Variants in TP63 observed in about 807,000 individuals in gnomAD.
TP63 encodes the protein tumor protein p63.
TP63 carries 17 observed loss-of-function variants against 82.8 expected under a neutral mutation model. The ratio of observed to expected loss-of-function variants is 0.21; its 90% CI spans 0.14 to 0.31. The LOEUF (loss-of-function observed/expected upper bound fraction) is 0.31. Among genes scored for constraint, TP63 ranks in the 10% least tolerant of loss-of-function variants. The pLI is 1.00. For synonymous variants in TP63, 330 were observed against 321.7 expected, an observed-to-expected ratio of 1.03 and a Z score of -0.28; for missense variants, 648 against 895.3, an observed-to-expected ratio of 0.72 and a Z score of 3.52.
intron 10 of TP63, among the ~76,000 whole-genome samples, chr3:189,875,609 T>TATATAC (rs1553859652): frequency 1.4e-4 from 9 of 62,994 alleles, no homozygotes; most frequent in African/African-American, 3.8e-4. Context: ...TATATATATA[T>TATATAC]ATATATATAT....
chr3:189,818,555 G>T lies in TP63; in HGVS notation c.579+10029G>T, dbSNP rs576368634. ...CATTTCATGGGGAATAATTTGAGAA[G>T]CCTATGTTTCTCAAAATTTTCGTAG... is the stretch of plus-strand genomic sequence containing the variant. On this transcript the variant is annotated intron_variant, in intron 4 of 13. Transcript: ENST00000264731. 5.9e-5 allele frequency among the ~76,000 whole-genome samples: 9 copies of T among 152,060 alleles called. No individual in the cohort carries two copies. In the South Asian group the frequency reaches 1.9e-3, roughly 32 times the overall value.
chr3:189,704,517 G>T (rs1449879259), intron 1 of TP63, among the ~76,000 whole-genome samples: 2 of 152,122 alleles, frequency 1.3e-5, no homozygotes, highest in Non-Finnish European at 2.9e-5. Context: ...TGCTTTCATT[G>T]TACCCTCTGT....
chr3:189,778,188 C>T (rs1723966946), intron 3 of TP63, among the ~76,000 whole-genome samples: 1 of 152,044 alleles, frequency 6.6e-6, no homozygotes, highest in Non-Finnish European at 1.5e-5. Flanking sequence ...TTCTTTAGGT[C>T]TTATTGCAGG....
At chr3:189,775,024 G>T (rs963500526) in intron 3 of TP63, among the ~76,000 whole-genome samples, 1 of 152,024 alleles carries the variant, frequency 6.6e-6, no homozygotes. Flanking sequence ...GAGACCAGCA[G>T]CCTGGCCAAC....
At chr3:189,675,590 A>T (rs1006306605) in intron 1 of TP63, among the ~76,000 whole-genome samples, 10 of 152,004 alleles carry the variant, frequency 6.6e-5, no homozygotes, top group African/African-American at 2.4e-4. Context: ...CAACCCATAG[A>T]TTTTTTCGCT....
chr3:189,889,158 G>C (rs891177918), intron 11 of TP63, among the ~76,000 whole-genome samples, 182 bp from the exon 12 acceptor site: 21 of 152,214 alleles, frequency 1.4e-4, no homozygotes, highest in African/African-American at 4.1e-4. Flanking sequence ...AATTAGTTTG[G>C]AGTCTGACCG....
At chr3:189,885,834 A>G (rs1244881914) in intron 10 of TP63, among the ~76,000 whole-genome samples, 1 of 152,208 alleles carries the variant, frequency 6.6e-6, no homozygotes, top group African/African-American at 2.4e-5. Context: ...GAACATCTCT[A>G]TTGAAAATGC....
chr3:189,691,338 C>CAAAAAAAAAAAAAAAAAAA (rs781098833), intron 1 of TP63, among the ~76,000 whole-genome samples: 26 of 67,094 alleles, frequency 3.9e-4, no homozygotes, highest in South Asian at 6.3e-4. Context: ...GACTCCATCT[C>CAAAAAAAAAAAAAAAAAAA]AAAAAAAAAA....
At chr3:189,854,679 T>C (rs1307182961) in intron 4 of TP63, among the ~76,000 whole-genome samples, 1 of 152,196 alleles carries the variant, frequency 6.6e-6, no homozygotes, top group East Asian at 1.9e-4. Context: ...CAAAATGAAA[T>C]GAAAGCTGCA....
Position 189,866,039 on chromosome 3 carries a change from ATCT to A in TP63, c.767-638_767-636del, listed in dbSNP as rs144152566. Among the ~76,000 whole-genome samples, 642 of 152,300 alleles carry A rather than the reference ATCT, an allele frequency of 4.2e-3. 2 individuals are homozygous for A. The highest frequency in any genetic ancestry group is 0.015 in the African/African-American group (620 of 41,566). Reference sequence around the variant, plus strand: ...CTTTACGGGTCCCAGTTCTTGGAGCATCTTCTTTTTTTTGGAGCTCTGCTAAAT... The same window carrying A: ...CTTTACGGGTCCCAGTTCTTGGAGCATCTTTTTTTTGGAGCTCTGCTAAAT... On this transcript the variant is annotated intron_variant, in intron 5 of 13. Transcript: ENST00000264731.
chr3:189,834,948 A>G (rs573519933), intron 4 of TP63, among the ~76,000 whole-genome samples: 5 of 150,120 alleles, frequency 3.3e-5, no homozygotes, highest in African/African-American at 1.2e-4. Flanking sequence ...GCTTGAAGAC[A>G]GAGAACTGGG....
intron 1 of TP63, among the ~76,000 whole-genome samples, chr3:189,705,055 A>G (rs1018332848): frequency 3.3e-5 from 5 of 152,236 alleles, no homozygotes; most frequent in African/African-American, 9.6e-5. Context: ...ATTTTCTTCA[A>G]TATTTTTTAC....
chr3:189,732,665 G>T (rs1193047669), intron 1 of TP63, among the ~76,000 whole-genome samples: 1 of 152,154 alleles, frequency 6.6e-6, no homozygotes, highest in Non-Finnish European at 1.5e-5. Flanking sequence ...AGGTTCAAAG[G>T]CATTGAGTAA....
At chr3:189,614,278 T>A in the TP63 span, among the ~76,000 whole-genome samples, 1 of 152,198 alleles carries the variant, frequency 6.6e-6, no homozygotes, top group African/African-American at 2.4e-5. Flanking sequence ...TCACGAGATC[T>A]GATGGATTTG....
intron 1 of TP63, among the ~76,000 whole-genome samples, chr3:189,703,816 A>C (rs1220837965): frequency 6.6e-6 from 1 of 152,172 alleles, no homozygotes; most frequent in Non-Finnish European, 1.5e-5. Flanking sequence ...TCAGAGTTAT[A>C]CAGTGAGTTG....
intron 1 of TP63, among the ~76,000 whole-genome samples, chr3:189,645,905 G>A (rs1359734369): frequency 6.8e-6 from 1 of 147,206 alleles, no homozygotes; most frequent in Non-Finnish European, 1.5e-5. Flanking sequence ...TGGTTGATGG[G>A]CACATAAGCT....
chr3:189,626,851 A>T (rs550089844), upstream of TP63, among the ~76,000 whole-genome samples: 14 of 151,986 alleles, frequency 9.2e-5, no homozygotes, highest in African/African-American at 3.1e-4. Flanking sequence ...CCTTTCTGAG[A>T]TGTGTGGTTT....
At chr3:189,708,717 A>G (rs532833835) in intron 1 of TP63, among the ~76,000 whole-genome samples, 4 of 152,300 alleles carry the variant, frequency 2.6e-5, no homozygotes, top group African/African-American at 9.6e-5. Context: ...TTCATTCATT[A>G]ATTCTGTCAC....
At position 189,882,521 on chromosome 3, in the gene TP63, A is replaced by G. The variant is rs1218706531; in HGVS notation, c.1350-3873A>G. Among the ~76,000 whole-genome samples, 9 of 148,144 alleles carry G rather than the reference A, an allele frequency of 6.1e-5. No individual in the cohort carries two copies. In the Admixed American group the frequency reaches 6.1e-4, roughly 10 times the overall value. The stretch of plus-strand genomic sequence containing the variant: ...AACAAGGATGCTCTGCTCCGCCCTC[A>G]GTATCCCTTTCTGCTCCCAAATTCT... On this transcript the variant is annotated intron_variant, in intron 10 of 13. Coordinates refer to ENST00000264731, the MANE Select transcript of TP63 (RefSeq NM_003722.5).
Sources: allele counts gnomAD v4.1 joint callset (sites outside exome capture counted in the v4.1 genomes callset), GRCh38; gene constraint gnomAD v4.1.1; transcripts MANE v1.5; gene names NCBI Gene and HGNC (gene_info 2026-07-23, HGNC 2026-07-21).